Variants in KIF11 observed in about 807,000 individuals in gnomAD.
The protein encoded by KIF11 is kinesin family member 11.
Under a neutral mutation model 121.0 loss-of-function variants are expected in KIF11, and 9 were observed. The ratio of observed to expected loss-of-function variants is 0.07; its 90% confidence interval spans 0.04 to 0.13. The LOEUF (loss-of-function observed/expected upper bound fraction) is 0.13, where lower values mean the gene tolerates loss of function less well. KIF11 is among the 10% of genes least tolerant of loss of function. The probability of loss-of-function intolerance (pLI) is 1.00; values close to 1 mark genes in which losing one functional copy is unlikely to be tolerated. For synonymous variants in KIF11, 408 were observed against 421.0 expected (o/e 0.97, Z 0.38); for missense variants, 846 against 1,217.5 (o/e 0.69, Z 4.54).
At chr10:92,614,170 C>T (rs1254016607) in intron 8 of KIF11, among the ~76,000 whole-genome samples, 2 of 151,256 alleles carry the variant, frequency 1.3e-5, no homozygotes, top group African/African-American at 2.4e-5. Context: ...GATCTCGGCT[C>T]ACTGCAACCT....
At chr10:92,626,871 C>T (rs780785260) in intron 10 of KIF11, among the ~76,000 whole-genome samples, 1 of 151,858 alleles carries the variant, frequency 6.6e-6, no homozygotes, top group Non-Finnish European at 1.5e-5. Context: ...GCCATTCTCT[C>T]GCCTCAGCCT....
In KIF11 at chr10:92,645,430, T is replaced by C; in HGVS notation, c.2335T>C (p.Phe779Leu). Residue 779 changes from phenylalanine (F) to leucine (L), a missense_variant, in exon 18 of 22, where the codon TTC becomes CTC. Transcript: ENST00000260731. ...SQKFCADSDG[F>L]SQELRNFNQE... ...AAAATTTTGTGCTGATTCTGATGGC[T>C]TCTCACAGGAACTCAGAAATTTTAA... 1 of 1,613,640 alleles carries C rather than the reference T, an allele frequency of 6.2e-7. No individual in the cohort carries two copies. The highest frequency in any genetic ancestry group is 1.7e-5 in the Admixed American group (1 of 60,022).
intron 9 of KIF11, among the ~76,000 whole-genome samples, chr10:92,620,471 T>C (rs1229861279): frequency 6.6e-6 from 1 of 152,154 alleles, no homozygotes. Flanking sequence ...GTTTCCTAGG[T>C]TTCTTAGTGT....
intron 9 of KIF11, among the ~76,000 whole-genome samples, chr10:92,617,570 A>G (rs1263244750): frequency 6.6e-6 from 1 of 152,058 alleles, no homozygotes; most frequent in Admixed American, 6.6e-5. Flanking sequence ...TAGTAAGTTT[A>G]TGCTCTAAGA....
chr10:92,606,590 AT>A (rs11393423), intron 2 of KIF11, 28 bp from the exon 3 acceptor site: 36,282 of 1,062,662 alleles, frequency 0.034, 1 homozygote, highest in Non-Finnish European at 0.039. Context: ...TTTGAGGTTG[AT>A]TTTTTTTTTT....
chr10:92,638,201 A>G (rs1211961348), intron 16 of KIF11, among the ~76,000 whole-genome samples: 1 of 152,118 alleles, frequency 6.6e-6, no homozygotes, highest in East Asian at 1.9e-4. Context: ...ATATGACAGA[A>G]CTCTTATAAT....
In KIF11 at chr10:92,633,627, T is replaced by A. The variant is rs1043404768; in HGVS notation, c.1707T>A (p.Asn569Lys). The stretch of plus-strand genomic sequence containing the variant: ...TTCTGTTTTTGTTTGTTATAGGTAA[T>A]CTGCTGTCTTCCAGTGTCTCTGCAT... ...MLEVHKTLFG[N>K]LLSSSVSALD... The change falls in exon 14 of 22, where the codon AAT becomes AAA. Residue 569 changes from asparagine (N) to lysine (K), a missense_variant. Physicochemically the swap from Asn to Lys is moderately conservative, Grantham distance 94 (BLOSUM62 0). This residue lies in a region of KIF11 where 492 missense variants were observed against 603.4 expected (regional missense o/e 0.82). Coordinates refer to ENST00000260731, the MANE Select transcript of KIF11 (RefSeq NM_004523.4). 1 of 1,598,988 alleles carries A rather than the reference T, an allele frequency of 6.3e-7. No homozygotes were observed. The highest frequency in any genetic ancestry group is 1.3e-5 in the African/African-American group (1 of 74,524).
intron 1 of KIF11, among the ~76,000 whole-genome samples, chr10:92,600,338 C>T (rs1844355237): frequency 6.6e-6 from 1 of 151,966 alleles, no homozygotes; most frequent in African/African-American, 2.4e-5. Flanking sequence ...CTTTTAAGTT[C>T]TGGGGTACAT....
intron 1 of KIF11, among the ~76,000 whole-genome samples, chr10:92,603,312 C>CTGGAG (rs1156461112): frequency 2.2e-5 from 3 of 137,516 alleles, no homozygotes; most frequent in Non-Finnish European, 3.0e-5. Flanking sequence ...TTGCCCAGGC[C>CTGGAG]TGGAGTGCAG....
Position 92,606,719 on chromosome 10 carries a change from A to G in KIF11, c.308+3A>G. On this transcript the variant is annotated splice_donor_region_variant and intron_variant, in intron 3 of 21. Coordinates refer to ENST00000260731, the MANE Select transcript of KIF11 (RefSeq NM_004523.4). ...GGCTATAATTGCACTATCTTTGCGT[A>G]AGTAAAAGGGTGTTTTTTCTGATTT... The G allele has an allele frequency of 7.5e-7, 1 of 1,326,226 alleles. No homozygotes were observed. The highest frequency in any genetic ancestry group is 1.1e-6 in the Non-Finnish European group (1 of 924,444). The allele number at this position is 1,326,226 out of a possible 1,614,324, so 82.2% of individuals were successfully genotyped here. A position where few individuals can be genotyped will look rare whatever the true frequency, so the allele number is the denominator to read the frequency against.
Position 92,613,609 on chromosome 10 carries a change from T to C in KIF11, c.1022T>C (p.Leu341Pro), listed in dbSNP as rs1223975916. 1 of 1,612,340 alleles carries C rather than the reference T, an allele frequency of 6.2e-7. No individual in the cohort carries two copies. The highest frequency in any genetic ancestry group is 8.5e-7 in the Non-Finnish European group (1 of 1,179,104). The change falls in exon 8 of 22, where the codon CTC becomes CCC. Residue 341 changes from leucine to proline, a missense_variant. Physicochemically the swap from Leu to Pro is moderately conservative, Grantham distance 98. This residue lies in a region of KIF11 where 116 missense variants were observed against 285.3 expected (regional missense o/e 0.41). Transcript: ENST00000260731. The surrounding 1 kb of genome is among the most constrained non-coding windows in gnomAD (Gnocchi z 4.2). ...SIIATISPASLNLEETLSTLE... is the reference protein window; with the variant it reads ...SIIATISPASPNLEETLSTLE... ...ATTGCAACAATTTCTCCTGCATCTC[T>C]CAATCTTGAGGTAAGCCCTTTGAAA...
At position 92,637,515 on chromosome 10, in the gene KIF11, C is replaced by T. The variant is rs778513629; in HGVS notation, c.2130C>T (p.Asp710=). The part of the protein sequence containing the change: ...SQKQCGNLTE[D]LKTIKQTHSQ... ...AGCAATGTGGAAACCTAACTGAAGA[C>T]CTGAAGACAATAAAGCAGACCCATT... The change falls in exon 16 of 22, where the codon GAC becomes GAT. Residue 710 remains aspartate (D), a synonymous_variant. Transcript: ENST00000260731. 16 of 1,604,378 alleles carry T rather than the reference C, an allele frequency of 1.0e-5. No individual in the cohort carries two copies. Among genetic ancestry groups the T allele is most frequent in the Middle Eastern group, 3.3e-4 (2 of 6,052 alleles).
At chr10:92,595,899 C>T (rs1053989954) in intron 1 of KIF11, among the ~76,000 whole-genome samples, 1 of 152,140 alleles carries the variant, frequency 6.6e-6, no homozygotes, top group Non-Finnish European at 1.5e-5. Context: ...TAGCAAATGT[C>T]AGGGTTTTCT....
rs375200807 is a variant in KIF11 at position 92,626,146 on chromosome 10, G to A, written c.1218-2662G>A. Among the ~76,000 whole-genome samples the A allele has an allele frequency of 1.8e-4, 27 of 152,254 alleles. No individual in the cohort carries two copies. In the South Asian group the frequency reaches 5.6e-3, roughly 32 times the overall value. On this transcript the variant is annotated intron_variant, in intron 10 of 21. Transcript: ENST00000260731. ...CTAAGCAAAAAGAACAAAGCTGGAG[G>A]CATCGCATTACCTGACTTCAAACTA...
intron 6 of KIF11, among the ~76,000 whole-genome samples, chr10:92,612,477 T>C (rs563101925): frequency 2.6e-5 from 4 of 152,306 alleles, no homozygotes; most frequent in African/African-American, 9.6e-5. Flanking sequence ...TTTTGAACAT[T>C]TTATAATCTA....
At chr10:92,648,969 A>G (rs546585934) in intron 19 of KIF11, among the ~76,000 whole-genome samples, 1 of 152,324 alleles carries the variant, frequency 6.6e-6, no homozygotes, top group South Asian at 2.1e-4. Flanking sequence ...TCTTCATGGA[A>G]GAGATGTAAC....
In KIF11 at chr10:92,603,440, C is replaced by G. The variant is rs1025160245; in HGVS notation, c.78-2825C>G. ...TTTTTGAGATGGAGTCTCACTCTTT[C>G]ACCCAGGCTGGAGTGTAGTGGCACA... On this transcript the variant is annotated intron_variant, in intron 1 of 21. Coordinates refer to ENST00000260731, the MANE Select transcript of KIF11 (RefSeq NM_004523.4). 3.3e-5 allele frequency among the ~76,000 whole-genome samples: 5 copies of G among 150,896 alleles called. No individual in the cohort carries two copies. In the East Asian group the frequency reaches 9.8e-4, roughly 30 times the overall value.
chr10:92,597,211 C>A, intron 1 of KIF11: 1 of 264,748 alleles, frequency 3.8e-6, no homozygotes, highest in South Asian at 5.0e-5. Context: ...ACACAGGGGT[C>A]TGGCCTATGA....
chr10:92,628,846 T>A lies in KIF11; in HGVS notation c.1256T>A (p.Ile419Asn), dbSNP rs1173246927. Reference sequence around the variant, plus strand: ...AAATTAACTGTTCAAGAAGAGCAGATTGTAGAATTGATTGAAAAAATTGGT... The same window carrying A: ...AAATTAACTGTTCAAGAAGAGCAGAATGTAGAATTGATTGAAAAAATTGGT... Reference protein sequence around the residue: ...SGKLTVQEEQIVELIEKIGAV... With the variant: ...SGKLTVQEEQNVELIEKIGAV... Residue 419 changes from isoleucine (I) to asparagine (N), a missense_variant, in exon 11 of 22, where the codon ATT becomes AAT. Transcript: ENST00000260731. 7.5e-6 allele frequency: 12 copies of A among 1,604,302 alleles called. No homozygotes were observed. Among genetic ancestry groups the A allele is most frequent in the Non-Finnish European group, 1.0e-5 (12 of 1,173,034 alleles).
Sources: gnomAD v4.1 joint callset for allele counts (sites outside exome capture counted in the v4.1 genomes callset) on GRCh38, gnomAD v4.1.1 for gene constraint, gnomAD v4.1.1 regional missense constraint, Gnocchi (gnomAD v3.1) non-coding constraint, MANE v1.5 for transcripts, NCBI Gene and HGNC (gene_info 2026-07-23, HGNC 2026-07-21) for gene names.